GRIA2: variants seen among roughly 807,000 people sequenced by gnomAD.
GRIA2 encodes the protein glutamate receptor 2.
GRIA2 carries 14 observed loss-of-function variants against 97.3 expected under a neutral mutation model. That is an observed-to-expected ratio of 0.14 (90% CI 0.10 to 0.23). The LOEUF is 0.23. Ranked by LOEUF, GRIA2 falls within the 10% of genes least tolerant of loss-of-function variation. GRIA2 has a pLI of 1.00. For synonymous variants in GRIA2, 412 were observed against 387.8 expected, an observed-to-expected ratio of 1.06 and a Z score of -0.73; for missense variants, 558 against 1,069.8, an observed-to-expected ratio of 0.52 and a Z score of 6.67.
At chr4:157,346,993 C>T (rs527580393) in intron 12 of GRIA2, among the ~76,000 whole-genome samples, 11 of 152,188 alleles carry the variant, frequency 7.2e-5, no homozygotes, top group Non-Finnish European at 1.3e-4. Flanking sequence ...GCCTAAGTTG[C>T]CTTCAGTAGA....
chr4:157,324,219 C>G (rs983700965), intron 6 of GRIA2, among the ~76,000 whole-genome samples: 3 of 152,058 alleles, frequency 2.0e-5, no homozygotes, highest in African/African-American at 7.2e-5. Context: ...TAACTCCACC[C>G]AGAGGCATAT....
At chr4:157,313,616 G>A (rs1734182306) in intron 4 of GRIA2, among the ~76,000 whole-genome samples, 1 of 151,986 alleles carries the variant, frequency 6.6e-6, no homozygotes, top group South Asian at 2.1e-4. Flanking sequence ...TACAAATAGG[G>A]TAAGTGACTA....
At position 157,323,746 on chromosome 4, in the gene GRIA2, G is replaced by A. The variant is rs180800724; in HGVS notation, c.882+2147G>A. Among the ~76,000 whole-genome samples, 91 of 152,310 alleles carry A rather than the reference G, an allele frequency of 6.0e-4. No individual in the cohort carries two copies. In the East Asian group the frequency reaches 0.011, roughly 18 times the overall value. ...CATTAAAATGCAAGAGGTATTTGCA[G>A]TGTGAGAGATGTTTGGCAATGCATT... On this transcript the variant is annotated intron_variant, in intron 6 of 15. Transcript: ENST00000264426.
At chr4:157,347,097 AC>A (rs898121317) in intron 12 of GRIA2, among the ~76,000 whole-genome samples, 3 of 152,132 alleles carry the variant, frequency 2.0e-5, no homozygotes, top group Non-Finnish European at 4.4e-5. Context: ...CAGTTTAAGG[AC>A]CGTGCAGCTC....
chr4:157,360,530 C>T (rs1313053456), intron 13 of GRIA2, among the ~76,000 whole-genome samples: 1 of 152,136 alleles, frequency 6.6e-6, no homozygotes, highest in Non-Finnish European at 1.5e-5. Flanking sequence ...TGGCTGTATC[C>T]TAACAGTAAA....
intron 4 of GRIA2, among the ~76,000 whole-genome samples, chr4:157,313,272 T>G (rs2126886959): frequency 6.6e-6 from 1 of 152,198 alleles, no homozygotes; most frequent in South Asian, 2.1e-4. Context: ...TTCATGAAAT[T>G]TTTGGAGTTA....
At chr4:157,258,060 C>T (rs968005173) in intron 2 of GRIA2, among the ~76,000 whole-genome samples, 1 of 152,180 alleles carries the variant, frequency 6.6e-6, no homozygotes, top group African/African-American at 2.4e-5. Flanking sequence ...ATCCCGTCAT[C>T]TTCCTAAGCT....
chr4:157,277,826 G>GTATATATGTATA (rs1166830587), intron 2 of GRIA2, among the ~76,000 whole-genome samples: 4 of 141,094 alleles, frequency 2.8e-5, no homozygotes, highest in South Asian at 4.4e-4. Flanking sequence ...ATATATATAT[G>GTATATATGTATA]TATATATGTA....
intron 2 of GRIA2, among the ~76,000 whole-genome samples, chr4:157,301,730 G>A (rs1733623730): frequency 6.6e-6 from 1 of 152,078 alleles, no homozygotes; most frequent in East Asian, 1.9e-4. Flanking sequence ...ATATAAGATA[G>A]GGTTTGTTTT....
intron 2 of GRIA2, among the ~76,000 whole-genome samples, chr4:157,265,972 AAT>A (rs1332204923): frequency 2.0e-5 from 3 of 152,122 alleles, no homozygotes; most frequent in Admixed American, 6.5e-5. Flanking sequence ...GTCATATGTG[AAT>A]ATTGTTCAGA....
intron 2 of GRIA2, among the ~76,000 whole-genome samples, chr4:157,225,997 C>T (rs1170563135): frequency 2.6e-5 from 4 of 151,886 alleles, no homozygotes; most frequent in African/African-American, 9.6e-5. Context: ...TGTAAAAGGG[C>T]TATAAACATG....
At chr4:157,263,556 A>G (rs1367390148) in intron 2 of GRIA2, among the ~76,000 whole-genome samples, 3 of 152,082 alleles carry the variant, frequency 2.0e-5, no homozygotes, top group African/African-American at 7.2e-5. Context: ...AGGTGGGATC[A>G]AAGGGTTTTG....
At chr4:157,311,954 G>C (rs1560760262) in intron 3 of GRIA2, among the ~76,000 whole-genome samples, 1 of 151,978 alleles carries the variant, frequency 6.6e-6, no homozygotes, top group Non-Finnish European at 1.5e-5. Flanking sequence ...AATTTTCCAA[G>C]TGATATGATG....
At chr4:157,288,091 A>C (rs1367548753) in intron 2 of GRIA2, among the ~76,000 whole-genome samples, 1 of 151,746 alleles carries the variant, frequency 6.6e-6, no homozygotes. Context: ...GGAAATACTA[A>C]AAAACAAATA....
chr4:157,302,401 G>A (rs1733655584), intron 2 of GRIA2, among the ~76,000 whole-genome samples: 1 of 152,096 alleles, frequency 6.6e-6, no homozygotes, highest in Non-Finnish European at 1.5e-5. Flanking sequence ...GGACAGTTGG[G>A]TAGATATTTC....
chr4:157,338,047 TATAC>T (rs200852843), intron 11 of GRIA2, among the ~76,000 whole-genome samples: 8,609 of 22,564 alleles, frequency 0.38, 268 homozygotes, highest in South Asian at 0.49. Context: ...TATATATATA[TATAC>T]ACACACATTT....
At chr4:157,247,946 C>T (rs964122836) in intron 2 of GRIA2, among the ~76,000 whole-genome samples, 23 of 152,010 alleles carry the variant, frequency 1.5e-4, no homozygotes, top group Non-Finnish European at 2.8e-4. Context: ...CTCTTATTAT[C>T]CTCACTGGGA....
In GRIA2 at chr4:157,256,295, T is replaced by C. The variant is rs184013273; in HGVS notation, c.229+34488T>C. Among the ~76,000 whole-genome samples, 44 of 136,238 alleles carry C rather than the reference T, an allele frequency of 3.2e-4. 1 individual carries two copies. Among genetic ancestry groups the C allele is most frequent in the African/African-American group, 1.2e-3 (44 of 36,044 alleles). The allele number at this position is 136,238 out of a possible 152,430, so 89.4% of individuals were successfully genotyped here. On this transcript the variant is annotated intron_variant, in intron 2 of 15. Transcript: ENST00000264426. ...TATATGTTATATATTACATATATTA[T>C]ATATAATATTATATATTACATATAT...
chr4:157,333,183 C>G, intron 7 of GRIA2, 66 bp from the exon 8 acceptor site: 2 of 983,714 alleles, frequency 2.0e-6, no homozygotes, highest in Non-Finnish European at 3.1e-6. Flanking sequence ...TTAAAGTAAT[C>G]TGTACAGTGT....
Sources: allele counts gnomAD v4.1 joint callset (sites outside exome capture counted in the v4.1 genomes callset), GRCh38; gene constraint gnomAD v4.1.1; transcripts MANE v1.5; gene names NCBI Gene and HGNC (gene_info 2026-07-23, HGNC 2026-07-21).